Variants in LMF1 observed in about 807,000 individuals in gnomAD.
LMF1 encodes the protein transmembrane protein 112.
LMF1 carries 68 observed loss-of-function variants against 60.6 expected under a neutral mutation model. The observed-to-expected ratio is 1.12, with a 90% CI of 0.92 to 1.37. The LOEUF (loss-of-function observed/expected upper bound fraction) is 1.37. Among genes scored for constraint, LMF1 ranks in the 40% most tolerant of loss-of-function variants. The probability of loss-of-function intolerance (pLI) is 0.00; values close to 1 mark genes in which losing one functional copy is unlikely to be tolerated. For missense variants in LMF1, 948 were observed against 767.2 expected (o/e 1.24, Z -2.78); for synonymous variants, 418 against 324.7 (o/e 1.29, Z -3.09).
chr16:957,890 C>T (rs779236934), intron 1 of LMF1, among the ~76,000 whole-genome samples: 42 of 152,270 alleles, frequency 2.8e-4, no homozygotes, highest in Admixed American at 2.2e-3. Flanking sequence ...CACCTGTCAT[C>T]CCAGCACTTT....
intron 3 of LMF1, among the ~76,000 whole-genome samples, chr16:924,796 G>C (rs1466740549): frequency 1.3e-5 from 2 of 152,266 alleles, no homozygotes; most frequent in African/African-American, 2.4e-5. Flanking sequence ...GAATGAGCTA[G>C]AGTATATTTT....
intron 1 of LMF1, chr16:964,189 G>A (rs758336011): frequency 2.2e-5 from 10 of 451,212 alleles, no homozygotes; most frequent in Non-Finnish European, 3.6e-5. Flanking sequence ...CCAGCTACTC[G>A]GGAGGCTGAG....
chr16:947,202 G>A (rs562825927), intron 2 of LMF1, among the ~76,000 whole-genome samples: 1 of 152,358 alleles, frequency 6.6e-6, no homozygotes, highest in South Asian at 2.1e-4. Context: ...TCCCACCACG[G>A]GGTCCCTGAA....
intron 1 of LMF1, among the ~76,000 whole-genome samples, chr16:958,361 T>C (rs1489882878): frequency 1.3e-5 from 2 of 152,226 alleles, no homozygotes; most frequent in African/African-American, 4.8e-5. Context: ...AGGATTTGTA[T>C]CTAGAATATT....
Position 853,741 on chromosome 16 carries a change from G to T in LMF1, c.*791C>A. On this transcript the variant is annotated 3_prime_UTR_variant, in exon 11 of 11. Transcript: ENST00000262301. The stretch of plus-strand genomic sequence containing the variant: ...AATGTGCAGTAGACGCTGTTTGTCC[G>T]ACGATGATGAAAGTGTGCACGGCCG... 1 of 454,136 alleles carries T rather than the reference G, an allele frequency of 2.2e-6. No individual in the cohort carries two copies. The highest frequency in any genetic ancestry group is 4.4e-6 in the Non-Finnish European group (1 of 226,796). 28.1% of individuals were successfully genotyped at this position (454,136 alleles called of 1,614,324 possible).
chr16:979,605 G>A, intron 1 of LMF1: 1 of 453,920 alleles, frequency 2.2e-6, no homozygotes, highest in Non-Finnish European at 4.4e-6. Context: ...CCCCACCTGT[G>A]TCCCAGGGAC....
intron 5 of LMF1, 118 bp downstream of exon 5, chr16:892,889 G>A: frequency 1.3e-6 from 1 of 748,264 alleles, no homozygotes; most frequent in Non-Finnish European, 2.1e-6. Context: ...CTGAATCAAT[G>A]GGGGTGACCC....
intron 5 of LMF1, among the ~76,000 whole-genome samples, chr16:881,966 G>A (rs1199746917): frequency 2.0e-5 from 3 of 152,214 alleles, no homozygotes; most frequent in Admixed American, 6.5e-5. Flanking sequence ...TTGGGATGAA[G>A]AAGGAGGTCC....
chr16:942,499 A>G (rs763231799), intron 2 of LMF1, among the ~76,000 whole-genome samples: 3 of 151,828 alleles, frequency 2.0e-5, no homozygotes, highest in Non-Finnish European at 4.4e-5. Context: ...TGGGGCTCCA[A>G]TCACAAGTAT....
intron 1 of LMF1, among the ~76,000 whole-genome samples, chr16:967,103 G>A (rs964039508): frequency 4.6e-5 from 7 of 152,314 alleles, no homozygotes; most frequent in East Asian, 3.9e-4. Flanking sequence ...TACCACTGGC[G>A]CTGTAACAGA....
chr16:974,216 T>C (rs1201549824), upstream of LMF1, among the ~76,000 whole-genome samples: 2 of 152,168 alleles, frequency 1.3e-5, no homozygotes, highest in African/African-American at 4.8e-5. Context: ...AAGAAGGCAC[T>C]TCACTTAAAA....
Position 854,479 on chromosome 16 carries a change from A to G in LMF1, c.*53T>C. 2 of 1,540,092 alleles carry G rather than the reference A, an allele frequency of 1.3e-6. No homozygotes were observed. Among genetic ancestry groups the G allele is most frequent in the Non-Finnish European group, 1.8e-6 (2 of 1,140,446 alleles). On this transcript the variant is annotated 3_prime_UTR_variant, in exon 11 of 11. Transcript: ENST00000262301. ...TTGGGCTGGGCGCAGGGAAGGGCAA[A>G]CGTTGCTGAGCCGCCGAGGGGCTGG...
At chr16:905,002 C>G in intron 4 of LMF1, 1 of 52,588 alleles carries the variant, frequency 1.9e-5, no homozygotes, top group African/African-American at 1.0e-4. Context: ...GCACCGCCCA[C>G]AGGACGCCTG....
intron 10 of LMF1, among the ~76,000 whole-genome samples, chr16:863,517 GGT>G (rs2069529159): frequency 6.6e-6 from 1 of 151,950 alleles, no homozygotes; most frequent in Non-Finnish European, 1.5e-5. Flanking sequence ...TGATTTTATT[GGT>G]CTTTTAAAAG....
At chr16:952,233 T>C (rs1478423018) in intron 2 of LMF1, among the ~76,000 whole-genome samples, 1 of 152,008 alleles carries the variant, frequency 6.6e-6, no homozygotes, top group African/African-American at 2.4e-5. Flanking sequence ...CTGGCAGCGG[T>C]GCCCACCCCA....
rs141244011 is a variant in LMF1, at chr16:913,735, G to C, written c.515-2656C>G. On this transcript the variant is annotated intron_variant, in intron 3 of 10. Transcript: ENST00000262301. ...GGGCATCAGAAAAGGCAGAAACAAG[G>C]ACGCAGCCTCATAACTGCCTTGCTG... Among the ~76,000 whole-genome samples, 736 of 152,360 alleles carry C rather than the reference G, an allele frequency of 4.8e-3. 11 individuals carry two copies. The highest frequency in any genetic ancestry group is 0.017 in the African/African-American group (687 of 41,592).
intron 6 of LMF1, among the ~76,000 whole-genome samples, chr16:875,876 G>A (rs924276598): frequency 1.3e-5 from 2 of 152,140 alleles, no homozygotes; most frequent in African/African-American, 2.4e-5. Context: ...TCTCCAGCCC[G>A]GCCCTCCTCC....
rs2069418187 is a variant in LMF1 at position 860,227 on chromosome 16, C to CAAATGCTTTTAATTT, written c.1530-5536_1530-5522dup. On this transcript the variant is annotated intron_variant, in intron 10 of 10. Transcript: ENST00000262301. ...TCTCTTAACAGGTCTTTTTATGGAG[C>CAAATGCTTTTAATTT]AAATGCTTTTAATTTTAATGAATTT... Among the ~76,000 whole-genome samples the CAAATGCTTTTAATTT allele has an allele frequency of 2.0e-5, 3 of 152,042 alleles. No homozygotes were observed. The South Asian group carries it at 6.2e-4, about 32-fold the overall frequency.
chr16:925,711 G>C (rs2071573660), intron 3 of LMF1, among the ~76,000 whole-genome samples: 1 of 152,164 alleles, frequency 6.6e-6, no homozygotes, highest in East Asian at 1.9e-4. Flanking sequence ...AGTCCAGCTT[G>C]GACAAATGAG....
Sources: allele counts gnomAD v4.1 joint callset (sites outside exome capture counted in the v4.1 genomes callset), GRCh38; gene constraint gnomAD v4.1.1; transcripts MANE v1.5; gene names NCBI Gene and HGNC (gene_info 2026-07-23, HGNC 2026-07-21).